The following PHF2 variants were observed in gnomAD, a reference collection of about 807,000 sequenced individuals.
The protein encoded by PHF2 is PHD finger protein 2.
A neutral mutation model predicts 120.5 loss-of-function variants in PHF2; 27 were observed. The ratio of observed to expected loss-of-function variants is 0.22; its 90% CI spans 0.17 to 0.31. PHF2 has a LOEUF of 0.31. Among genes scored for constraint, PHF2 ranks in the 10% least tolerant of loss-of-function variants. The pLI is 1.00. For synonymous variants in PHF2, 568 were observed against 592.5 expected (o/e 0.96, Z 0.60); for missense variants, 1,024 against 1,434.8 (o/e 0.71, Z 4.63).
intron 1 of PHF2, among the ~76,000 whole-genome samples, chr9:93,589,433 A>T (rs1863126871): frequency 6.6e-6 from 1 of 152,164 alleles, no homozygotes. Context: ...AGCAGGTGCC[A>T]GGAGCACCTT....
intron 2 of PHF2, among the ~76,000 whole-genome samples, chr9:93,630,530 C>G (rs930806789): frequency 6.6e-6 from 1 of 152,206 alleles, no homozygotes; most frequent in African/African-American, 2.4e-5. Flanking sequence ...TGCCACCCAC[C>G]TCTTCCTCTG....
At position 93,656,166 on chromosome 9, in the gene PHF2, CTT is replaced by C. The variant is rs1419026107; in HGVS notation, c.1040+147_1040+148del. 4.5e-6 allele frequency: 3 copies of C among 668,906 alleles called. No individual in the cohort carries two copies. Among genetic ancestry groups the C allele is most frequent in the African/African-American group, 3.6e-5 (2 of 55,860 alleles). 41.4% of individuals were successfully genotyped at this position (668,906 alleles called of 1,614,324 possible). A position where few individuals can be genotyped will look rare whatever the true frequency, so the allele number is the denominator to read the frequency against. ...CATGACCGTCAGCCTCGGTGGGCCT[CTT>C]TGTGATGTGGAGGGAAGGAGGAGGT... On this transcript the variant is annotated intron_variant, in intron 8 of 21. Coordinates refer to ENST00000359246, the MANE Select transcript of PHF2 (RefSeq NM_005392.4). This position sits in a 1 kb window ranked among gnomAD's most constrained non-coding sequence, Gnocchi z 4.1.
At chr9:93,596,321 T>C (rs1825332018) in intron 1 of PHF2, among the ~76,000 whole-genome samples, 1 of 152,090 alleles carries the variant, frequency 6.6e-6, no homozygotes. Context: ...GGCCCCTGCA[T>C]TTTTCATTTA....
chr9:93,637,359 C>T (rs528463429), intron 3 of PHF2, among the ~76,000 whole-genome samples: 61 of 152,200 alleles, frequency 4.0e-4, no homozygotes, highest in African/African-American at 8.2e-4. Context: ...GTGTGCAGTT[C>T]GGTGGATTTT....
intron 1 of PHF2, among the ~76,000 whole-genome samples, chr9:93,619,300 G>C (rs1341472407): frequency 1.3e-5 from 2 of 151,818 alleles, no homozygotes. Flanking sequence ...TGCTCTCGTT[G>C]GAGCCCATCT....
At chr9:93,618,756 GTGTT>G (rs1237220608) in intron 1 of PHF2, among the ~76,000 whole-genome samples, 6 of 151,590 alleles carry the variant, frequency 4.0e-5, no homozygotes, top group African/African-American at 1.2e-4. Flanking sequence ...GTGTATGCCT[GTGTT>G]TGTGTGTCTG....
At position 93,636,369 on chromosome 9, in the gene PHF2, G is replaced by C. The variant is rs1383729993; in HGVS notation, c.185-42G>C. The C allele has an allele frequency of 3.4e-6, 5 of 1,489,564 alleles. No homozygotes were observed. In the African/African-American group the frequency reaches 6.9e-5, roughly 21 times the overall value. The allele number at this position is 1,489,564 out of a possible 1,614,324, so 92.3% of individuals were successfully genotyped here. On this transcript the variant is annotated intron_variant, in intron 2 of 21. Transcript: ENST00000359246. Reference sequence around the variant, plus strand: ...GGGGAAGTTGTGGAGCCCTGCTGGGGCTGCGCTGTGTGACCGACCTTGCTT... The same window carrying C: ...GGGGAAGTTGTGGAGCCCTGCTGGGCCTGCGCTGTGTGACCGACCTTGCTT...
chr9:93,630,321 C>T (rs938991230), intron 2 of PHF2, among the ~76,000 whole-genome samples: 1 of 152,240 alleles, frequency 6.6e-6, no homozygotes, highest in African/African-American at 2.4e-5. Context: ...TGAGGCCTAG[C>T]GAGAGGCCAG....
chr9:93,640,383 A>C (rs1456428682), intron 3 of PHF2, among the ~76,000 whole-genome samples: 4 of 151,122 alleles, frequency 2.6e-5, no homozygotes, highest in African/African-American at 9.8e-5. Context: ...CTTGACCCCC[A>C]CCCACATGCT....
chr9:93,651,308 G>A (rs781482394), intron 5 of PHF2, among the ~76,000 whole-genome samples: 3 of 152,184 alleles, frequency 2.0e-5, no homozygotes, highest in Non-Finnish European at 2.9e-5. Flanking sequence ...TCTAGGCTAT[G>A]GAGCTAGGGA....
chr9:93,599,310 G>A (rs1825393034), intron 1 of PHF2, among the ~76,000 whole-genome samples: 1 of 152,202 alleles, frequency 6.6e-6, no homozygotes, highest in African/African-American at 2.4e-5. Flanking sequence ...TGGTGTGGCT[G>A]GAGAGTGGCT....
Position 93,623,558 on chromosome 9 carries a change from CTG to C in PHF2, c.99-6409_99-6408del, listed in dbSNP as rs527826029. Among the ~76,000 whole-genome samples the C allele has an allele frequency of 2.6e-5, 4 of 152,318 alleles. 1 individual carries two copies. The South Asian group carries it at 8.3e-4, about 32-fold the overall frequency. Reference sequence around the variant, plus strand: ...ACTTCATGAAGGAAGAATATTAACACTGTGCATTTTAAAGTTTGTTTTGGTAT... The same window carrying C: ...ACTTCATGAAGGAAGAATATTAACACTGCATTTTAAAGTTTGTTTTGGTAT... On this transcript the variant is annotated intron_variant, in intron 1 of 21. Transcript: ENST00000359246.
intron 4 of PHF2, among the ~76,000 whole-genome samples, chr9:93,647,363 G>A (rs1484106737): frequency 6.6e-6 from 1 of 152,176 alleles, no homozygotes; most frequent in Non-Finnish European, 1.5e-5. Flanking sequence ...TTTTCCCCTG[G>A]CCGTGTTCCC....
chr9:93,633,519 G>A (rs2001589), intron 2 of PHF2, among the ~76,000 whole-genome samples: 59,452 of 152,166 alleles, frequency 0.39, 11,934 homozygotes, highest in African/African-American at 0.41. Context: ...CTCAGTGGGT[G>A]TGTTGTCACA....
chr9:93,619,136 C>T (rs1316680180), intron 1 of PHF2, among the ~76,000 whole-genome samples: 2 of 152,042 alleles, frequency 1.3e-5, no homozygotes, highest in Non-Finnish European at 2.9e-5. Flanking sequence ...CTCCGCTTCT[C>T]CTTTGTAGCT....
intron 1 of PHF2, among the ~76,000 whole-genome samples, chr9:93,605,984 C>CT (rs200603604): frequency 0.018 from 2,786 of 151,306 alleles, 74 homozygotes; most frequent in East Asian, 0.11. Flanking sequence ...GGTTTTTTTT[C>CT]TTTTTTTTCA....
At chr9:93,615,773 A>G (rs2131633255) in intron 1 of PHF2, among the ~76,000 whole-genome samples, 1 of 152,198 alleles carries the variant, frequency 6.6e-6, no homozygotes, top group Non-Finnish European at 1.5e-5. Flanking sequence ...GGGGGACTCC[A>G]AACAGCAGTA....
rs570121817 is a variant in PHF2 at position 93,648,455 on chromosome 9, A to G, written c.461-616A>G. On this transcript the variant is annotated intron_variant, in intron 4 of 21. Transcript: ENST00000359246. Reference sequence around the variant, plus strand: ...GGCATCCACCTCATCTGTCCACACTAAACCCCATGGCCTTGCAGTTTGTGG... The same window carrying G: ...GGCATCCACCTCATCTGTCCACACTGAACCCCATGGCCTTGCAGTTTGTGG... Among the ~76,000 whole-genome samples, 5 of 152,334 alleles carry G rather than the reference A, an allele frequency of 3.3e-5. No individual in the cohort carries two copies. The South Asian group carries it at 1.0e-3, about 32-fold the overall frequency.
chr9:93,601,102 T>A (rs1825430668), intron 1 of PHF2, among the ~76,000 whole-genome samples: 2 of 152,230 alleles, frequency 1.3e-5, no homozygotes, highest in Non-Finnish European at 2.9e-5. Context: ...CTTTGTCCCG[T>A]GAGTACTTAC....
Sources: allele counts gnomAD v4.1 joint callset (sites outside exome capture counted in the v4.1 genomes callset), GRCh38; gene constraint gnomAD v4.1.1; non-coding constraint Gnocchi (gnomAD v3.1); transcripts MANE v1.5; gene names NCBI Gene and HGNC (gene_info 2026-07-23, HGNC 2026-07-21).